Variants in TPTE observed in about 807,000 individuals in gnomAD.
The protein encoded by TPTE is transmembrane phosphatase with tensin homology.
In TPTE, 59 loss-of-function variants were observed where a neutral mutation model predicts 84.1. The ratio of observed to expected loss-of-function variants is 0.70; its 90% confidence interval spans 0.57 to 0.87. The LOEUF (loss-of-function observed/expected upper bound fraction) is 0.87. Ranked by LOEUF, TPTE falls within the 40% of genes least tolerant of loss-of-function variation. The pLI is 0.00. For missense variants in TPTE, 382 were observed against 659.6 expected, an observed-to-expected ratio of 0.58 and a Z score of 4.61; for synonymous variants, 130 against 223.5, an observed-to-expected ratio of 0.58 and a Z score of 3.73.
At chr21:10,599,551 G>A (rs2075650665) in intron 21 of TPTE, among the ~76,000 whole-genome samples, 1 of 152,310 alleles carries the variant, frequency 6.6e-6, no homozygotes, top group South Asian at 2.1e-4. Flanking sequence ...TATATATAAA[G>A]TTTCTTTGTA....
chr21:10,523,197 C>G (rs1165834571), intron 1 of TPTE, among the ~76,000 whole-genome samples: 5 of 152,422 alleles, frequency 3.3e-5, no homozygotes, highest in African/African-American at 9.6e-5. Context: ...GAGATAGTCT[C>G]TGCTCTGAGG....
chr21:10,558,192 T>C (rs1173499256), intron 8 of TPTE, among the ~76,000 whole-genome samples: 1 of 152,312 alleles, frequency 6.6e-6, no homozygotes, highest in East Asian at 1.9e-4. Flanking sequence ...TCTTTGCTAT[T>C]GTAAATAGTG....
intron 8 of TPTE, among the ~76,000 whole-genome samples, chr21:10,557,420 A>G (rs979014888): frequency 2.6e-5 from 4 of 152,308 alleles, no homozygotes; most frequent in African/African-American, 9.6e-5. Context: ...AAAGCCACCC[A>G]AGCCACTTCT....
chr21:10,583,466 C>T (rs1362429777), intron 17 of TPTE, among the ~76,000 whole-genome samples: 1 of 152,302 alleles, frequency 6.6e-6, no homozygotes, highest in Non-Finnish European at 1.5e-5. Flanking sequence ...TTTGTGTATT[C>T]TGATTTCAAT....
chr21:10,574,473 G>T (rs1381494505), intron 14 of TPTE, among the ~76,000 whole-genome samples: 1 of 152,310 alleles, frequency 6.6e-6, no homozygotes, highest in Non-Finnish European at 1.5e-5. Flanking sequence ...AAGAACTAGG[G>T]CTAAAAAAGA....
At chr21:10,579,631 T>C (rs537067354) in intron 17 of TPTE, among the ~76,000 whole-genome samples, 2 of 152,420 alleles carry the variant, frequency 1.3e-5, no homozygotes. Flanking sequence ...AAGCAAGACA[T>C]GCAGTATTTG....
chr21:10,522,155 G>A (rs1489726959), intron 1 of TPTE, among the ~76,000 whole-genome samples: 1 of 152,262 alleles, frequency 6.6e-6, no homozygotes, highest in Non-Finnish European at 1.5e-5. Context: ...TCCCCCCCCA[G>A]GATGACCTGA....
intron 7 of TPTE, among the ~76,000 whole-genome samples, chr21:10,544,550 A>C (rs2074430700): frequency 6.6e-6 from 1 of 152,306 alleles, no homozygotes; most frequent in East Asian, 1.9e-4. Flanking sequence ...ATGCCAGACA[A>C]ATTTTTTGTA....
chr21:10,558,408 G>A (rs1270194278), intron 8 of TPTE, among the ~76,000 whole-genome samples: 22 of 152,406 alleles, frequency 1.4e-4, no homozygotes, highest in Non-Finnish European at 2.8e-4. Context: ...AACCTTGCCC[G>A]CATCTGTTAT....
intron 14 of TPTE, among the ~76,000 whole-genome samples, chr21:10,573,214 A>G (rs1389392810): frequency 1.3e-5 from 2 of 152,306 alleles, no homozygotes; most frequent in Non-Finnish European, 2.9e-5. Flanking sequence ...TCAGATAAAA[A>G]CAGACTTTAA....
intron 3 of TPTE, among the ~76,000 whole-genome samples, chr21:10,529,047 G>C (rs1258233241): frequency 2.6e-5 from 4 of 152,174 alleles, no homozygotes; most frequent in African/African-American, 7.3e-5. Flanking sequence ...AGCTGGGCAT[G>C]GTGGTGCATG....
At chr21:10,534,170 T>G (rs2074228290) in intron 3 of TPTE, among the ~76,000 whole-genome samples, 1 of 151,758 alleles carries the variant, frequency 6.6e-6, no homozygotes, top group Non-Finnish European at 1.5e-5. Flanking sequence ...CAGGGAAAAT[T>G]TCATTTAATT....
At chr21:10,575,170 C>G (rs1415625538) in intron 14 of TPTE, among the ~76,000 whole-genome samples, 2 of 152,312 alleles carry the variant, frequency 1.3e-5, no homozygotes, top group African/African-American at 4.8e-5. Context: ...CCACTCCAGC[C>G]TGCCAGCTAT....
intron 3 of TPTE, among the ~76,000 whole-genome samples, chr21:10,533,045 TG>T (rs535384711): frequency 2.8e-3 from 427 of 152,196 alleles, no homozygotes; most frequent in African/African-American, 9.9e-3. Context: ...CATTTTATTT[TG>T]CATTTTTAGT....
chr21:10,545,069 G>A (rs469661), intron 7 of TPTE, among the ~76,000 whole-genome samples: 30,371 of 142,146 alleles, frequency 0.21, 64 homozygotes, highest in African/African-American at 0.47. Flanking sequence ...GCTAATTTGT[G>A]TCAGAAAATT....
intron 17 of TPTE, among the ~76,000 whole-genome samples, chr21:10,581,297 G>C (rs4107028): frequency 6.6e-6 from 1 of 152,312 alleles, no homozygotes; most frequent in East Asian, 1.9e-4. Context: ...ATTTCACATT[G>C]TCCAACCTAA....
chr21:10,526,481 C>T lies in TPTE; in HGVS notation c.-101-874C>T, dbSNP rs574276039. ...ACATTTCCACTGTGAGAAAGAGGTT[C>T]TGTGGTCAAATAGGTTAAGAAACCT... is the stretch of plus-strand genomic sequence containing the variant. On this transcript the variant is annotated intron_variant, in intron 2 of 23. Coordinates refer to ENST00000618007, the MANE Select transcript of TPTE (RefSeq NM_199261.4). 2.9e-4 allele frequency among the ~76,000 whole-genome samples: 44 copies of T among 152,406 alleles called. No individual in the cohort carries two copies. In the South Asian group the frequency reaches 6.0e-3, roughly 21 times the overall value.
intron 7 of TPTE, among the ~76,000 whole-genome samples, chr21:10,552,205 A>G (rs1600889089): frequency 6.6e-6 from 1 of 152,312 alleles, no homozygotes; most frequent in East Asian, 1.9e-4. Flanking sequence ...CAAACTTAAC[A>G]GGCTACATGT....
chr21:10,537,295 A>T (rs2074283050), intron 3 of TPTE, among the ~76,000 whole-genome samples: 1 of 152,310 alleles, frequency 6.6e-6, no homozygotes, highest in Non-Finnish European at 1.5e-5. Flanking sequence ...GTGTTGGACG[A>T]TACATATATA....
Sources: allele counts gnomAD v4.1 joint callset (sites outside exome capture counted in the v4.1 genomes callset), GRCh38; gene constraint gnomAD v4.1.1; transcripts MANE v1.5; gene names NCBI Gene and HGNC (gene_info 2026-07-23, HGNC 2026-07-21).